The following ST18 variants were observed in gnomAD, a reference collection of about 807,000 sequenced individuals.
ST18 encodes suppression of tumorigenicity 18 protein.
Under a neutral mutation model 110.0 loss-of-function variants are expected in ST18, and 50 were observed. That is an observed-to-expected ratio of 0.45 (90% CI 0.36 to 0.58). ST18 has a LOEUF of 0.58. Ranked by LOEUF, ST18 falls within the 20% of genes least tolerant of loss-of-function variation. The pLI, the probability that ST18 is intolerant of heterozygous loss-of-function variation, is 0.00. For synonymous variants in ST18, 461 were observed against 452.4 expected (o/e 1.02, Z -0.24); for missense variants, 1,306 against 1,280.1 (o/e 1.02, Z -0.31).
At chr8:52,229,903 C>G (rs774326844) in intron 3 of ST18, 129 bp downstream of exon 3, 2 of 152,294 alleles carry the variant, frequency 1.3e-5, no homozygotes, top group Non-Finnish European at 2.9e-5. Flanking sequence ...CAACAATAAC[C>G]AAAGCAAGCA....
At chr8:52,195,567 AG>A (rs1159880816) in intron 8 of ST18, among the ~76,000 whole-genome samples, 1 of 152,152 alleles carries the variant, frequency 6.6e-6, no homozygotes, top group African/African-American at 2.4e-5. Context: ...TATTTGAGGA[AG>A]GAATATTTAA....
intron 8 of ST18, among the ~76,000 whole-genome samples, chr8:52,199,782 C>T (rs978923003): frequency 6.6e-6 from 1 of 152,112 alleles, no homozygotes; most frequent in Non-Finnish European, 1.5e-5. Context: ...CCACCTAAAC[C>T]CATAGCAAGC....
At chr8:52,306,881 A>G (rs1564458221) in intron 2 of ST18, among the ~76,000 whole-genome samples, 1 of 152,234 alleles carries the variant, frequency 6.6e-6, no homozygotes, top group Non-Finnish European at 1.5e-5. Flanking sequence ...CACCAACCTA[A>G]TATATTATAT....
chr8:52,407,775 G>C (rs1205908983), intron 2 of ST18: 1 of 152,082 alleles, frequency 6.6e-6, no homozygotes, highest in Non-Finnish European at 1.5e-5. Flanking sequence ...GAAACTCCTC[G>C]GAGAGTTCAT....
At chr8:52,363,034 A>G (rs1316855363) in intron 2 of ST18, among the ~76,000 whole-genome samples, 1 of 152,144 alleles carries the variant, frequency 6.6e-6, no homozygotes, top group African/African-American at 2.4e-5. Context: ...ACATGGTGAA[A>G]CCCGTCTCTA....
At position 52,367,156 on chromosome 8, in the gene ST18, C is replaced by T. The variant is rs373722147; in HGVS notation, c.-465+42172G>A. On this transcript the variant is annotated intron_variant, in intron 2 of 25. Coordinates refer to ENST00000689386, the MANE Select transcript of ST18 (RefSeq NM_001352837.2). ...CTGAGGCACCAGAATCGCTTGAATCCGGGAGGTAGAGGCGGAGGCTGCGGT... is the reference window on the plus strand; with the variant it reads ...CTGAGGCACCAGAATCGCTTGAATCTGGGAGGTAGAGGCGGAGGCTGCGGT... 7.9e-5 allele frequency among the ~76,000 whole-genome samples: 12 copies of T among 151,252 alleles called. 1 individual carries two copies. The highest frequency in any genetic ancestry group is 3.4e-3 in the Middle Eastern group (1 of 294).
intron 2 of ST18, among the ~76,000 whole-genome samples, chr8:52,230,973 T>A (rs1055598788): frequency 6.6e-6 from 1 of 152,068 alleles, no homozygotes; most frequent in African/African-American, 2.4e-5. Flanking sequence ...ACAGAAAAAT[T>A]AGATTCAAGG....
In ST18 at chr8:52,130,119, AAAAGAAAGAAAG is replaced by A. The variant is rs1207799704; in HGVS notation, c.2666+1827_2666+1838del. On this transcript the variant is annotated intron_variant, in intron 22 of 25. Transcript: ENST00000689386. ...AAAAGAAAGAAAGAAAGAAAGAAAG[AAAAGAAAGAAAG>A]AAAGAAAGAAAGAAAGAAAGAAAGA... Among the ~76,000 whole-genome samples the A allele has an allele frequency of 3.3e-3, 348 of 105,228 alleles. 1 individual carries two copies. Among genetic ancestry groups the A allele is most frequent in the African/African-American group, 0.011 (270 of 24,330 alleles). 69.0% of individuals were successfully genotyped at this position (105,228 alleles called of 152,430 possible).
chr8:52,141,205 C>T (rs757684777), intron 17 of ST18, among the ~76,000 whole-genome samples: 41 of 152,210 alleles, frequency 2.7e-4, no homozygotes, highest in African/African-American at 8.0e-4. Flanking sequence ...ATTTTAAAGT[C>T]GCTCACATAC....
chr8:52,381,482 A>G (rs996901402), intron 2 of ST18, among the ~76,000 whole-genome samples: 3 of 152,208 alleles, frequency 2.0e-5, no homozygotes, highest in African/African-American at 7.2e-5. Flanking sequence ...CAAATACTTC[A>G]TAACTACTTA....
At chr8:52,326,162 G>A (rs1025305168) in intron 2 of ST18, among the ~76,000 whole-genome samples, 1 of 152,176 alleles carries the variant, frequency 6.6e-6, no homozygotes. Flanking sequence ...TCTAACAGTG[G>A]AGTATAAATT....
intron 2 of ST18, among the ~76,000 whole-genome samples, chr8:52,245,281 A>G (rs2093752481): frequency 6.6e-6 from 1 of 152,144 alleles, no homozygotes; most frequent in Non-Finnish European, 1.5e-5. Context: ...TCTTTAATCT[A>G]CATTCCAGGA....
At position 52,384,351 on chromosome 8, in the gene ST18, C is replaced by T. The variant is rs544233742; in HGVS notation, c.-465+24977G>A. 2.6e-5 allele frequency among the ~76,000 whole-genome samples: 4 copies of T among 152,246 alleles called. No homozygotes were observed. In the East Asian group the frequency reaches 5.8e-4, roughly 22 times the overall value. On this transcript the variant is annotated intron_variant, in intron 2 of 25. Transcript: ENST00000689386. ...TTATAGGCAAATCTCAGCAACAAAGCAGTCAGGGAGCGCCACAATCCAGCT... is the reference window on the plus strand; with the variant it reads ...TTATAGGCAAATCTCAGCAACAAAGTAGTCAGGGAGCGCCACAATCCAGCT...
chr8:52,276,407 A>G (rs2095266014), intron 2 of ST18, among the ~76,000 whole-genome samples: 1 of 151,110 alleles, frequency 6.6e-6, no homozygotes, highest in Admixed American at 6.6e-5. Context: ...ACATACACAC[A>G]CCACACCCAC....
chr8:52,291,093 G>A (rs2095549522), intron 2 of ST18, among the ~76,000 whole-genome samples: 1 of 152,210 alleles, frequency 6.6e-6, no homozygotes, highest in Non-Finnish European at 1.5e-5. Context: ...ATCACTGCCT[G>A]ATACTTTCTG....
intron 10 of ST18, among the ~76,000 whole-genome samples, chr8:52,169,298 C>T (rs1238475547): frequency 4.6e-5 from 7 of 152,160 alleles, no homozygotes; most frequent in Non-Finnish European, 1.0e-4. Flanking sequence ...TGACCTTATA[C>T]TCTGGTGATG....
chr8:52,219,465 C>G (rs764964707), intron 5 of ST18, among the ~76,000 whole-genome samples: 1 of 152,130 alleles, frequency 6.6e-6, no homozygotes. Context: ...AACTTTTCAT[C>G]TTTTATTTGC....
At chr8:52,118,236 T>C in intron 24 of ST18, 102 bp downstream of exon 24, 3 of 730,152 alleles carry the variant, frequency 4.1e-6, no homozygotes, top group Non-Finnish European at 6.7e-6. Context: ...ATATTGACTC[T>C]AAGTTACCAT....
At chr8:52,344,883 T>C (rs887065651) in intron 2 of ST18, among the ~76,000 whole-genome samples, 2 of 152,242 alleles carry the variant, frequency 1.3e-5, no homozygotes, top group Non-Finnish European at 2.9e-5. Context: ...TTTAGCACTT[T>C]ATTTTATTAT....
Sources: allele counts gnomAD v4.1 joint callset (sites outside exome capture counted in the v4.1 genomes callset), GRCh38; gene constraint gnomAD v4.1.1; transcripts MANE v1.5; gene names NCBI Gene and HGNC (gene_info 2026-07-23, HGNC 2026-07-21).